TLN2: variants seen among roughly 807,000 people sequenced by gnomAD.
TLN2 encodes talin 2, also known as talin-2.
A neutral mutation model predicts 294.7 loss-of-function variants in TLN2; 118 were observed. The ratio of observed to expected loss-of-function variants is 0.40; its 90% CI spans 0.34 to 0.47. The LOEUF (loss-of-function observed/expected upper bound fraction) is 0.47, where lower values mean the gene tolerates loss of function less well. Among genes scored for constraint, TLN2 ranks in the 20% least tolerant of loss-of-function variants. The pLI, the probability that TLN2 is intolerant of heterozygous loss-of-function variation, is 0.84. For missense variants in TLN2, 3,083 were observed against 3,282.2 expected (o/e 0.94, Z 1.48); for synonymous variants, 1,431 against 1,304.5 (o/e 1.10, Z -2.09).
chr15:62,538,067 C>G (rs935792552), intron 1 of TLN2, among the ~76,000 whole-genome samples: 1 of 152,042 alleles, frequency 6.6e-6, no homozygotes, highest in African/African-American at 2.4e-5. Flanking sequence ...ACTAAAAATA[C>G]AAAAATTAGC....
intron 1 of TLN2, among the ~76,000 whole-genome samples, chr15:62,563,467 GTT>G (rs1190437535): frequency 1.3e-5 from 2 of 152,084 alleles, no homozygotes; most frequent in Admixed American, 6.6e-5. Flanking sequence ...GTTTATTTGA[GTT>G]TGTTGTAGAT....
intron 20 of TLN2, 143 bp downstream of exon 20, chr15:62,707,396 G>A (rs1283079183): frequency 6.8e-6 from 7 of 1,028,702 alleles, no homozygotes; most frequent in Non-Finnish European, 9.2e-6. Flanking sequence ...AGTGATGATA[G>A]GATTTTAGCA....
At chr15:62,424,317 G>A (rs1384640472) in intron 1 of TLN2, among the ~76,000 whole-genome samples, 1 of 152,178 alleles carries the variant, frequency 6.6e-6, no homozygotes, top group African/African-American at 2.4e-5. Context: ...CTTAAGGGAG[G>A]CAGCTGGCAT....
chr15:62,756,772 A>C (rs2141009634), intron 37 of TLN2, among the ~76,000 whole-genome samples: 1 of 152,210 alleles, frequency 6.6e-6, no homozygotes, highest in Middle Eastern at 3.4e-3. Context: ...GAAATCAGTC[A>C]ACAGGATGAC....
chr15:62,490,989 G>A (rs984159369), intron 1 of TLN2, among the ~76,000 whole-genome samples: 7 of 152,130 alleles, frequency 4.6e-5, no homozygotes, highest in Non-Finnish European at 7.4e-5. Flanking sequence ...TTGGAGCACA[G>A]CTTGGTTTTA....
At chr15:62,800,060 T>C (rs193288714) in intron 48 of TLN2, among the ~76,000 whole-genome samples, 3 of 152,338 alleles carry the variant, frequency 2.0e-5, no homozygotes, top group Admixed American at 2.0e-4. Flanking sequence ...CTCTCTGGTG[T>C]CCTTTGTGCT....
Position 62,770,958 on chromosome 15 carries a change from TGAA to T in TLN2, c.5197-5_5197-3del. The T allele has an allele frequency of 1.3e-6, 2 of 1,566,588 alleles. No individual in the cohort carries two copies. Among genetic ancestry groups the T allele is most frequent in the Non-Finnish European group, 1.7e-6 (2 of 1,163,392 alleles). Reference sequence around the variant, plus strand: ...CATCTCTGGCTTTTTTTTTTTTTTTTGAAAGGTGACACAACTGGCAAGCTATTT... The same window carrying T: ...CATCTCTGGCTTTTTTTTTTTTTTTTAGGTGACACAACTGGCAAGCTATTT... On this transcript the variant is annotated splice_region_variant and splice_polypyrimidine_tract_variant and intron_variant, in intron 41 of 58. Coordinates refer to ENST00000636159, the MANE Select transcript of TLN2 (RefSeq NM_015059.3).
intron 1 of TLN2, among the ~76,000 whole-genome samples, chr15:62,588,515 C>T (rs1002570057): frequency 2.6e-5 from 4 of 151,042 alleles, no homozygotes; most frequent in South Asian, 2.1e-4. Flanking sequence ...GGGCACCTTC[C>T]TAGCTACACA....
chr15:62,423,248 A>G (rs573186344), intron 1 of TLN2, among the ~76,000 whole-genome samples: 5 of 152,134 alleles, frequency 3.3e-5, no homozygotes, highest in Non-Finnish European at 5.9e-5. Context: ...TTATCTGGGC[A>G]TGGTGGCGTG....
chr15:62,561,378 AGCTCCCTCCTTAACAGCTAAC>A (rs1340647490), intron 1 of TLN2: 3 of 152,218 alleles, frequency 2.0e-5, no homozygotes, highest in Middle Eastern at 3.2e-3. Context: ...CATTTCCTCA[AGCTCCCTCCTTAACAGCTAAC>A]GCCTTCGCGA....
chr15:62,580,626 G>C (rs778667043), intron 1 of TLN2, among the ~76,000 whole-genome samples: 1 of 152,078 alleles, frequency 6.6e-6, no homozygotes, highest in Admixed American at 6.5e-5. Flanking sequence ...GCCCAGGCTA[G>C]TCTCTAACTC....
chr15:62,735,178 C>G (rs1396704748), intron 28 of TLN2, among the ~76,000 whole-genome samples: 1 of 152,224 alleles, frequency 6.6e-6, no homozygotes, highest in Non-Finnish European at 1.5e-5. Flanking sequence ...AGATATGTCT[C>G]AGCACCAGGC....
At chr15:62,552,995 G>C (rs1231294375) in intron 1 of TLN2, among the ~76,000 whole-genome samples, 6 of 152,122 alleles carry the variant, frequency 3.9e-5, no homozygotes, top group African/African-American at 1.4e-4. Context: ...GATCTCACGT[G>C]ATATGTGATT....
chr15:62,474,486 A>G (rs966173367), intron 1 of TLN2, among the ~76,000 whole-genome samples: 7 of 151,964 alleles, frequency 4.6e-5, no homozygotes, highest in Admixed American at 2.0e-4. Context: ...ATAAAATAAT[A>G]AAATAATTAG....
intron 9 of TLN2, among the ~76,000 whole-genome samples, chr15:62,671,490 T>G (rs2055417285): frequency 6.6e-6 from 1 of 152,198 alleles, no homozygotes; most frequent in African/African-American, 2.4e-5. Context: ...TTTCTGTCTT[T>G]TGCATGTGAA....
At chr15:62,687,655 A>G (rs1303495065) in intron 12 of TLN2, among the ~76,000 whole-genome samples, 4 of 152,260 alleles carry the variant, frequency 2.6e-5, no homozygotes, top group East Asian at 1.9e-4. Flanking sequence ...TGAAGTCTCT[A>G]GTGAATGCTT....
rs543558330 is a variant in TLN2 at position 62,405,279 on chromosome 15, A to T, written c.-238+14594A>T. On this transcript the variant is annotated intron_variant, in intron 1 of 58. Coordinates refer to ENST00000636159, the MANE Select transcript of TLN2 (RefSeq NM_015059.3). ...ACCTGACTCACTAAACTGAATCGGG[A>T]GCCCTAGGGAGGATCCTAGGAGGGT... Among the ~76,000 whole-genome samples the T allele has an allele frequency of 2.0e-5, 3 of 152,230 alleles. No individual in the cohort carries two copies. In the South Asian group the frequency reaches 6.2e-4, roughly 32 times the overall value.
intron 21 of TLN2, among the ~76,000 whole-genome samples, chr15:62,710,720 CT>C (rs71287048): frequency 0.023 from 1,742 of 76,886 alleles, 23 homozygotes; most frequent in African/African-American, 0.075. Flanking sequence ...TGCTGATGTC[CT>C]TTTTTTTTTT....
chr15:62,819,509 C>T lies in TLN2; in HGVS notation c.6772-7C>T. On this transcript the variant is annotated splice_polypyrimidine_tract_variant and splice_region_variant and intron_variant, in intron 52 of 58. Transcript: ENST00000636159. ...CCTCATGCCTCTGACTTGTTCTTCA[C>T]CTGTAGATTCTTCAGAAACCAACCC... 1.2e-6 allele frequency: 2 copies of T among 1,612,616 alleles called. No individual in the cohort carries two copies. The highest frequency in any genetic ancestry group is 1.1e-5 in the South Asian group (1 of 91,050).
Sources: allele counts gnomAD v4.1 joint callset (sites outside exome capture counted in the v4.1 genomes callset), GRCh38; gene constraint gnomAD v4.1.1; transcripts MANE v1.5; gene names NCBI Gene and HGNC (gene_info 2026-07-23, HGNC 2026-07-21).